Variants in PCDHGB7 observed in about 807,000 individuals in gnomAD.
PCDHGB7 encodes protocadherin gamma subfamily B, 7, also known as protocadherin gamma-B7.
Under a neutral mutation model 61.4 loss-of-function variants are expected in PCDHGB7, and 37 were observed. The observed-to-expected ratio is 0.60, with a 90% confidence interval of 0.46 to 0.79. PCDHGB7 has a LOEUF of 0.79. PCDHGB7 is among the 30% of genes least tolerant of loss of function. The pLI is 0.00. For missense variants in PCDHGB7, 1,166 were observed against 1,202.5 expected, an observed-to-expected ratio of 0.97 and a Z score of 0.45; for synonymous variants, 464 against 503.5, an observed-to-expected ratio of 0.92 and a Z score of 1.05.
At chr5:141,482,528 T>C (rs945815289) in intron 1 of PCDHGB7, among the ~76,000 whole-genome samples, 1 of 56,520 alleles carries the variant, frequency 1.8e-5, no homozygotes, top group Non-Finnish European at 2.8e-5. Flanking sequence ...GAGACAGACA[T>C]GCAAAAAAAA....
rs2099400874 is a variant in PCDHGB7 at position 141,476,888 on chromosome 5, C to T, written c.2416-17919C>T. On this transcript the variant is annotated intron_variant, in intron 1 of 3. Transcript: ENST00000398594. This position sits in a 1 kb window ranked among gnomAD's most constrained non-coding sequence, Gnocchi z 7.6. ...CCGGGCGCGCGTCCTGGAGGATGCA[C>T]CCTCCGGCACGCGCGTGGTACAAGT... is the stretch of plus-strand genomic sequence containing the variant. 1.2e-6 allele frequency: 2 copies of T among 1,613,964 alleles called. No homozygotes were observed. The highest frequency in any genetic ancestry group is 1.7e-6 in the Non-Finnish European group (2 of 1,180,030).
At position 141,511,482 on chromosome 5, in the gene PCDHGB7, C is replaced by A. The variant is rs761434245; in HGVS notation, c.*309C>A. ...CACACCCCGTTTAGTTACAGCTGAA[C>A]TCCTCCATCTTCCAAATCAATCAGG... On this transcript the variant is annotated 3_prime_UTR_variant, in exon 4 of 4. Coordinates refer to ENST00000398594, the MANE Select transcript of PCDHGB7 (RefSeq NM_018927.4). The A allele has an allele frequency of 2.4e-4, 113 of 464,462 alleles. No homozygotes were observed. Among genetic ancestry groups the A allele is most frequent in the Non-Finnish European group, 4.0e-4 (105 of 260,154 alleles). The allele number at this position is 464,462 out of a possible 1,614,324, so 28.8% of individuals were successfully genotyped here. A position where few individuals can be genotyped will look rare whatever the true frequency, so the allele number is the denominator to read the frequency against.
chr5:141,422,211 CTT>C (rs1339862278), intron 1 of PCDHGB7: 1 of 1,563,166 alleles, frequency 6.4e-7, no homozygotes, highest in African/African-American at 1.4e-5. Context: ...GTGGAGGTCT[CTT>C]TACCACCACG....
At chr5:141,503,916 C>T (rs1372491893) in intron 2 of PCDHGB7, among the ~76,000 whole-genome samples, 1 of 152,246 alleles carries the variant, frequency 6.6e-6, no homozygotes, top group African/African-American at 2.4e-5. Context: ...CAACGCAACA[C>T]ACACACAGAC....
chr5:141,502,784 G>C (rs185608958), intron 2 of PCDHGB7, among the ~76,000 whole-genome samples: 1 of 151,804 alleles, frequency 6.6e-6, no homozygotes, highest in Non-Finnish European at 1.5e-5. Flanking sequence ...AAATTACCTG[G>C]ATGATTTCTT....
At position 141,512,116 on chromosome 5, in the gene PCDHGB7, T is replaced by TTA. The variant is rs2099884085; in HGVS notation, c.*943_*944insTA. On this transcript the variant is annotated 3_prime_UTR_variant, in exon 4 of 4. Coordinates refer to ENST00000398594, the MANE Select transcript of PCDHGB7 (RefSeq NM_018927.4). ...ACTAGGCTGGACCCTTCCCACTACA[T>TTA]AATAGGGCTCAGCCCAGGCAGCCAG... 1 of 152,600 alleles carries TTA rather than the reference T, an allele frequency of 6.6e-6. No homozygotes were observed. The highest frequency in any genetic ancestry group is 2.1e-4 in the South Asian group (1 of 4,832). 9.5% of individuals were successfully genotyped at this position (152,600 alleles called of 1,614,324 possible).
At chr5:141,482,530 CAAA>C (rs3074545) in intron 1 of PCDHGB7, among the ~76,000 whole-genome samples, 29 of 76,552 alleles carry the variant, frequency 3.8e-4, no homozygotes, top group African/African-American at 9.1e-4. Context: ...GACAGACATG[CAAA>C]AAAAAAAAAA....
chr5:141,432,449 T>C lies in PCDHGB7; in HGVS notation c.2415+12175T>C. 5.6e-6 allele frequency: 9 copies of C among 1,614,220 alleles called. No individual in the cohort carries two copies. The highest frequency in any genetic ancestry group is 7.6e-6 in the Non-Finnish European group (9 of 1,180,038). On this transcript the variant is annotated intron_variant, in intron 1 of 3. Coordinates refer to ENST00000398594, the MANE Select transcript of PCDHGB7 (RefSeq NM_018927.4). The surrounding 1 kb of genome is among the most constrained non-coding windows in gnomAD (Gnocchi z 6.0). The stretch of plus-strand genomic sequence containing the variant: ...GAACGACAATGCGCCCGAGATCCTG[T>C]ACCCCGCCCTCCCCACGGACGGTTC...
At chr5:141,481,812 C>T (rs2099545604) in intron 1 of PCDHGB7, among the ~76,000 whole-genome samples, 2 of 149,798 alleles carry the variant, frequency 1.3e-5, no homozygotes, top group South Asian at 2.1e-4. Context: ...ATTCACCAGG[C>T]GTGGTGGCTG....
At chr5:141,479,975 C>A (rs1459297521) in intron 1 of PCDHGB7, among the ~76,000 whole-genome samples, 1 of 152,186 alleles carries the variant, frequency 6.6e-6, no homozygotes, top group East Asian at 1.9e-4. Context: ...TGAGGTTCTA[C>A]CATTTACCAA....
chr5:141,438,806 C>T (rs866521707), intron 1 of PCDHGB7, among the ~76,000 whole-genome samples: 20 of 149,390 alleles, frequency 1.3e-4, no homozygotes, highest in Admixed American at 6.7e-4. Flanking sequence ...GGATTACAGG[C>T]GCCTGTCACC....
At chr5:141,494,215 G>T (rs984086536) in intron 1 of PCDHGB7, among the ~76,000 whole-genome samples, 2 of 152,200 alleles carry the variant, frequency 1.3e-5, no homozygotes, top group Non-Finnish European at 2.9e-5. Context: ...GCCCAATCTG[G>T]CATGACTCCT....
intron 1 of PCDHGB7, among the ~76,000 whole-genome samples, chr5:141,464,286 A>AT (rs1453289283): frequency 6.6e-6 from 1 of 151,420 alleles, no homozygotes; most frequent in African/African-American, 2.4e-5. Flanking sequence ...AAGCAAAAAA[A>AT]AAAACTCCAT....
At chr5:141,484,968 C>A (rs2099604490) in intron 1 of PCDHGB7, 2 of 585,734 alleles carry the variant, frequency 3.4e-6, no homozygotes, top group African/African-American at 3.7e-5. Context: ...GCCCGGGAGC[C>A]GCTGTCTGCC....
chr5:141,497,111 G>A (rs899232924), intron 2 of PCDHGB7, among the ~76,000 whole-genome samples: 16 of 152,010 alleles, frequency 1.1e-4, no homozygotes, highest in Non-Finnish European at 1.2e-4. Context: ...GCTTGAACCC[G>A]GAAGGCAGAG....
intron 3 of PCDHGB7, among the ~76,000 whole-genome samples, chr5:141,506,484 C>T (rs1489425559): frequency 6.6e-6 from 1 of 150,566 alleles, no homozygotes; most frequent in Non-Finnish European, 1.5e-5. Context: ...GCTTTAGAGG[C>T]AGGCCAATCT....
At chr5:141,422,963 C>T (rs372620011) in intron 1 of PCDHGB7, 43 of 1,614,120 alleles carry the variant, frequency 2.7e-5, no homozygotes, top group Middle Eastern at 1.6e-4. Context: ...GTGGAGCTGG[C>T]GCCCCGCTCT....
intron 1 of PCDHGB7, among the ~76,000 whole-genome samples, chr5:141,483,361 A>C (rs752805137): frequency 4.6e-5 from 7 of 152,102 alleles, no homozygotes; most frequent in Non-Finnish European, 7.4e-5. Flanking sequence ...TTTGAAAGCT[A>C]TTGCAATATT....
Position 141,477,209 on chromosome 5 carries a change from GC to G in PCDHGB7, c.2416-17594del. On this transcript the variant is annotated intron_variant, in intron 1 of 3. Transcript: ENST00000398594. The surrounding 1 kb of genome is among the most constrained non-coding windows in gnomAD (Gnocchi z 4.9). Reference sequence around the variant, plus strand: ...CGTGTACAGCCCAGTACCCGAGGATGCCCCTCTGGGGACTGTCATCGCTTTG... The same window carrying G: ...CGTGTACAGCCCAGTACCCGAGGATGCCCTCTGGGGACTGTCATCGCTTTG... The G allele has an allele frequency of 6.2e-7, 1 of 1,614,194 alleles. No homozygotes were observed. Among genetic ancestry groups the G allele is most frequent in the Non-Finnish European group, 8.5e-7 (1 of 1,180,038 alleles).
Sources: gnomAD v4.1 joint callset for allele counts (sites outside exome capture counted in the v4.1 genomes callset) on GRCh38, gnomAD v4.1.1 for gene constraint, Gnocchi (gnomAD v3.1) non-coding constraint, MANE v1.5 for transcripts, NCBI Gene and HGNC (gene_info 2026-07-23, HGNC 2026-07-21) for gene names.